Variants in XRCC4 observed in about 807,000 individuals in gnomAD.
XRCC4 encodes X-ray repair cross complementing 4, also known as DNA repair protein XRCC4.
XRCC4 carries 28 observed loss-of-function variants against 39.1 expected under a neutral mutation model. The observed-to-expected ratio is 0.72, with a 90% CI of 0.53 to 0.98. The LOEUF is 0.98. Ranked by LOEUF, XRCC4 falls within the 50% of genes least tolerant of loss-of-function variation. The pLI, the probability that XRCC4 is intolerant of heterozygous loss-of-function variation, is 0.00. For synonymous variants in XRCC4, 123 were observed against 126.4 expected (o/e 0.97, Z 0.18); for missense variants, 350 against 376.4 (o/e 0.93, Z 0.58).
rs751625901 is a variant in XRCC4, at chr5:83,203,657, T to C, written c.588T>C (p.Asn196=). 3 of 1,610,498 alleles carry C rather than the reference T, an allele frequency of 1.9e-6. No homozygotes were observed. The highest frequency in any genetic ancestry group is 2.5e-6 in the Non-Finnish European group (3 of 1,178,604). Residue 196 remains asparagine (N), a synonymous_variant, in exon 5 of 8, where the codon AAT becomes AAC. Transcript: ENST00000396027. The part of the protein sequence containing the change: ...EKKTKIRSLH[N]KLLNAAQERE... ...AAACAAAAATCAGAAGTTTGCATAA[T>C]AAATTATTAAATGCAGCTCAAGAAC...
rs1752321692 is a variant in XRCC4, at chr5:83,227,159, TTGTAAATCAGTTAGGGA to T, written c.745+22243_745+22259del. On this transcript the variant is annotated intron_variant, in intron 6 of 7. Coordinates refer to ENST00000396027, the MANE Select transcript of XRCC4 (RefSeq NM_003401.5). ...GTTCTTTACCCATTTCCCTTTTATATTGTAAATCAGTTAGGGATGTATTTTTATCTACTGTGTAAATA... is the reference window on the plus strand; with the variant it reads ...GTTCTTTACCCATTTCCCTTTTATATTGTATTTTTATCTACTGTGTAAATA... 2.6e-5 allele frequency among the ~76,000 whole-genome samples: 4 copies of T among 152,252 alleles called. No individual in the cohort carries two copies. In the South Asian group the frequency reaches 8.3e-4, roughly 32 times the overall value.
At chr5:83,318,132 A>C (rs1755939547) in intron 7 of XRCC4, among the ~76,000 whole-genome samples, 1 of 146,216 alleles carries the variant, frequency 6.8e-6, no homozygotes, top group Non-Finnish European at 1.5e-5. Flanking sequence ...GTTGCAGAAA[A>C]AGCCTTTGAC....
intron 1 of XRCC4, among the ~76,000 whole-genome samples, chr5:83,090,198 C>T (rs993325688): frequency 6.6e-6 from 1 of 152,164 alleles, no homozygotes; most frequent in African/African-American, 2.4e-5. Flanking sequence ...GCTGTTTCCC[C>T]ATGTAAATCT....
At chr5:83,173,368 T>C (rs1349436265) in intron 3 of XRCC4, among the ~76,000 whole-genome samples, 1 of 152,214 alleles carries the variant, frequency 6.6e-6, no homozygotes, top group East Asian at 1.9e-4. Context: ...TATTAATGAA[T>C]ACTCTTTTAT....
At chr5:83,311,259 A>C (rs572971788) in intron 7 of XRCC4, among the ~76,000 whole-genome samples, 1 of 151,718 alleles carries the variant, frequency 6.6e-6, no homozygotes, top group African/African-American at 2.4e-5. Flanking sequence ...ACAAGCACAC[A>C]GTTAGGTAGA....
At chr5:83,186,223 GAA>G (rs888408236) in intron 3 of XRCC4, among the ~76,000 whole-genome samples, 2 of 152,090 alleles carry the variant, frequency 1.3e-5, no homozygotes, top group African/African-American at 4.8e-5. Flanking sequence ...AGAAGCCAAG[GAA>G]AAAATCTCTA....
At chr5:83,132,699 A>C (rs748204410) in intron 3 of XRCC4, among the ~76,000 whole-genome samples, 1 of 151,996 alleles carries the variant, frequency 6.6e-6, no homozygotes, top group African/African-American at 2.4e-5. Context: ...TGCATGCGGC[A>C]TGTAGTTCTT....
chr5:83,158,723 G>C (rs898419702), intron 3 of XRCC4, among the ~76,000 whole-genome samples: 1 of 152,082 alleles, frequency 6.6e-6, no homozygotes, highest in African/African-American at 2.4e-5. Context: ...GTGGGAGGCA[G>C]AAAGGAATGT....
At chr5:83,303,759 G>T (rs918848846) in intron 7 of XRCC4, among the ~76,000 whole-genome samples, 8 of 152,090 alleles carry the variant, frequency 5.3e-5, no homozygotes, top group African/African-American at 1.9e-4. Context: ...ATGTTATATG[G>T]AATAAACTGA....
chr5:83,189,613 G>T (rs914203711), intron 3 of XRCC4, among the ~76,000 whole-genome samples: 7 of 152,120 alleles, frequency 4.6e-5, no homozygotes, highest in African/African-American at 1.7e-4. Flanking sequence ...TAGTAGTTTT[G>T]CAAATATAGT....
intron 6 of XRCC4, among the ~76,000 whole-genome samples, chr5:83,209,951 A>G (rs1455850333): frequency 1.3e-5 from 2 of 152,166 alleles, no homozygotes; most frequent in Admixed American, 6.6e-5. Context: ...CTTAACCAAC[A>G]GGAAGGTCCC....
At chr5:83,153,962 T>C (rs1341071337) in intron 3 of XRCC4, among the ~76,000 whole-genome samples, 1 of 152,240 alleles carries the variant, frequency 6.6e-6, no homozygotes, top group Non-Finnish European at 1.5e-5. Flanking sequence ...AAGAAATATA[T>C]GGTACTTCAG....
chr5:83,340,903 A>G (rs998361811), intron 7 of XRCC4, among the ~76,000 whole-genome samples: 11 of 152,214 alleles, frequency 7.2e-5, no homozygotes, highest in African/African-American at 2.6e-4. Context: ...TTGTCTACCC[A>G]TGTGTTTGCC....
intron 3 of XRCC4, among the ~76,000 whole-genome samples, chr5:83,183,713 A>C (rs546962692): frequency 5.3e-5 from 8 of 152,232 alleles, no homozygotes; most frequent in Admixed American, 2.6e-4. Flanking sequence ...TTACTTTGCC[A>C]TTACCTGAAC....
chr5:83,264,851 A>G (rs770700476), intron 7 of XRCC4, among the ~76,000 whole-genome samples: 1 of 152,122 alleles, frequency 6.6e-6, no homozygotes, highest in Non-Finnish European at 1.5e-5. Flanking sequence ...TTATATATAG[A>G]GAGAGTTATA....
intron 1 of XRCC4, among the ~76,000 whole-genome samples, chr5:83,091,536 C>T (rs894171604): frequency 6.6e-5 from 10 of 152,138 alleles, no homozygotes; most frequent in Non-Finnish European, 1.5e-5. Flanking sequence ...ACCACCCAGC[C>T]TCTGGTAACC....
chr5:83,212,875 C>T (rs959196122), intron 6 of XRCC4, among the ~76,000 whole-genome samples: 5 of 139,406 alleles, frequency 3.6e-5, no homozygotes, highest in African/African-American at 5.4e-5. Flanking sequence ...TGCAGTGAGT[C>T]AAGATCATGC....
At chr5:83,138,504 A>G (rs967176496) in intron 3 of XRCC4, among the ~76,000 whole-genome samples, 2 of 152,126 alleles carry the variant, frequency 1.3e-5, no homozygotes, top group African/African-American at 2.4e-5. Flanking sequence ...GTAGGGTAAC[A>G]TAACATGCAT....
intron 7 of XRCC4, among the ~76,000 whole-genome samples, chr5:83,307,841 A>G (rs1755541632): frequency 6.6e-6 from 1 of 152,250 alleles, no homozygotes; most frequent in Non-Finnish European, 1.5e-5. Context: ...CATACTGTAA[A>G]TATTGGCTTT....
Sources: gnomAD v4.1 joint callset for allele counts (sites outside exome capture counted in the v4.1 genomes callset) on GRCh38, gnomAD v4.1.1 for gene constraint, MANE v1.5 for transcripts, NCBI Gene and HGNC (gene_info 2026-07-23, HGNC 2026-07-21) for gene names.